DEPTOR: variants seen among roughly 807,000 people sequenced by gnomAD.
DEPTOR encodes the protein DEP domain containing MTOR interacting protein.
A neutral mutation model predicts 41.6 loss-of-function variants in DEPTOR; 41 were observed. The observed-to-expected ratio is 0.98, with a 90% CI of 0.77 to 1.28. The LOEUF (loss-of-function observed/expected upper bound fraction) is 1.28. DEPTOR is among the 50% of genes most tolerant of loss of function. The pLI is 0.00. For missense variants in DEPTOR, 514 were observed against 527.9 expected (o/e 0.97, Z 0.26); for synonymous variants, 195 against 192.3 (o/e 1.01, Z -0.12).
chr8:119,883,606 AGAG>A (rs1403388724), intron 1 of DEPTOR, among the ~76,000 whole-genome samples: 3 of 152,076 alleles, frequency 2.0e-5, no homozygotes, highest in African/African-American at 7.2e-5. Context: ...TGGCAGCTGC[AGAG>A]GAGGAGGTAG....
chr8:119,932,377 C>G (rs1828056143), intron 3 of DEPTOR, among the ~76,000 whole-genome samples: 1 of 151,934 alleles, frequency 6.6e-6, no homozygotes, highest in South Asian at 2.1e-4. Context: ...TGGCAGAGAA[C>G]TGTTATTGCT....
chr8:119,950,144 G>A (rs561132040), intron 3 of DEPTOR, among the ~76,000 whole-genome samples: 11 of 152,234 alleles, frequency 7.2e-5, no homozygotes, highest in African/African-American at 1.7e-4. Flanking sequence ...CCCTTTCCTC[G>A]TTATATGGCC....
chr8:120,002,791 A>AAAAAAAATATATATATATAT, intron 5 of DEPTOR, among the ~76,000 whole-genome samples, 186 bp from the exon 6 acceptor site: 2 of 60,672 alleles, frequency 3.3e-5, no homozygotes, highest in African/African-American at 1.5e-4. Flanking sequence ...AAAAAAAAAA[A>AAAAAAAATATATATATATAT]ATATATATAT....
intron 8 of DEPTOR, among the ~76,000 whole-genome samples, chr8:120,046,503 G>A (rs927063383): frequency 3.3e-5 from 5 of 151,720 alleles, no homozygotes; most frequent in African/African-American, 1.2e-4. Flanking sequence ...ATGTTTTCAG[G>A]GCTCACCCAT....
At chr8:120,038,796 A>G (rs1813017177) in intron 8 of DEPTOR, among the ~76,000 whole-genome samples, 1 of 152,116 alleles carries the variant, frequency 6.6e-6, no homozygotes, top group South Asian at 2.1e-4. Context: ...TGGTTTCACC[A>G]CTTACTAGCT....
intron 2 of DEPTOR, 86 bp from the exon 3 acceptor site, chr8:119,929,729 T>A (rs1178151072): frequency 2.0e-6 from 3 of 1,506,326 alleles, no homozygotes; most frequent in Admixed American, 2.0e-5. Flanking sequence ...GTGAAATAAT[T>A]CTTAATTAGC....
chr8:120,041,110 G>GA (rs1586670545), intron 8 of DEPTOR, among the ~76,000 whole-genome samples: 1 of 152,034 alleles, frequency 6.6e-6, no homozygotes, highest in Non-Finnish European at 1.5e-5. Context: ...AGATCAGAAA[G>GA]AAAAAAACAA....
At chr8:119,904,125 GT>G (rs112778213) in intron 1 of DEPTOR, among the ~76,000 whole-genome samples, 6 of 146,636 alleles carry the variant, frequency 4.1e-5, no homozygotes, top group East Asian at 2.0e-4. Flanking sequence ...TCTTTTTTTT[GT>G]TTTTTTTTTG....
rs1828339853 is a variant in DEPTOR at position 119,950,608 on chromosome 8, C to A, written c.426-14624C>A. Among the ~76,000 whole-genome samples the A allele has an allele frequency of 2.0e-5, 3 of 151,142 alleles. No homozygotes were observed. The South Asian group carries it at 6.3e-4, about 32-fold the overall frequency. On this transcript the variant is annotated intron_variant, in intron 3 of 8. Coordinates refer to ENST00000286234, the MANE Select transcript of DEPTOR (RefSeq NM_022783.4). ...TCTTTTCTTTTCTTCTTTTTCTTTTCTTTTTTGAGATGGAATCTCTCTCTG... is the reference window on the plus strand; with the variant it reads ...TCTTTTCTTTTCTTCTTTTTCTTTTATTTTTTGAGATGGAATCTCTCTCTG...
At chr8:119,983,586 G>A (rs1490443658) in intron 4 of DEPTOR, among the ~76,000 whole-genome samples, 2 of 152,120 alleles carry the variant, frequency 1.3e-5, no homozygotes, top group Non-Finnish European at 2.9e-5. Context: ...GTTTCACCAT[G>A]TTGGCCAGGC....
chr8:120,004,154 GA>G (rs1646390105), intron 6 of DEPTOR, among the ~76,000 whole-genome samples: 2 of 152,196 alleles, frequency 1.3e-5, no homozygotes, highest in South Asian at 4.1e-4. Context: ...ATGTTAGTAA[GA>G]ATAAGCACTA....
At position 120,001,621 on chromosome 8, in the gene DEPTOR, AG is replaced by A. The variant is rs1457297341; in HGVS notation, c.702del (p.Lys234AsnfsTer15). The A allele has an allele frequency of 1.2e-6, 2 of 1,613,910 alleles. No homozygotes were observed. Among genetic ancestry groups the A allele is most frequent in the Non-Finnish European group, 8.5e-7 (1 of 1,179,990 alleles). On this transcript the variant is annotated frameshift_variant, in exon 5 of 9. Coordinates refer to ENST00000286234, the MANE Select transcript of DEPTOR (RefSeq NM_022783.4). LOFTEE classifies it high-confidence loss of function. ...AGACTGATGGAGCTGCTCAATGAAA[AG>A]TCCCCCTCCTCCCAGGAAACTCATG... The part of the protein sequence containing the change: ...RRRLMELLNE[K>X]SPSSQETHDS...
At chr8:119,982,262 T>C (rs1241939815) in intron 4 of DEPTOR, among the ~76,000 whole-genome samples, 1 of 152,004 alleles carries the variant, frequency 6.6e-6, no homozygotes, top group Non-Finnish European at 1.5e-5. Flanking sequence ...AACTGAACAT[T>C]CCCCTGTTCT....
chr8:120,023,484 G>A (rs1292805338), intron 8 of DEPTOR, among the ~76,000 whole-genome samples: 1 of 152,070 alleles, frequency 6.6e-6, no homozygotes, highest in Admixed American at 6.5e-5. Flanking sequence ...GTCACATTGG[G>A]CATTAAGACT....
chr8:119,904,505 A>AT (rs1398037046), intron 1 of DEPTOR, among the ~76,000 whole-genome samples: 1 of 151,612 alleles, frequency 6.6e-6, no homozygotes, highest in East Asian at 2.0e-4. Flanking sequence ...ATATTTATTT[A>AT]TTTTTTTGAG....
intron 1 of DEPTOR, among the ~76,000 whole-genome samples, chr8:119,880,090 CGA>C (rs1563955181): frequency 6.7e-6 from 1 of 149,208 alleles, no homozygotes; most frequent in Non-Finnish European, 1.5e-5. Context: ...TGCAGTGAGC[CGA>C]GATTGCGCCA....
At chr8:120,000,550 C>T (rs1431763690) in intron 4 of DEPTOR, among the ~76,000 whole-genome samples, 1 of 151,958 alleles carries the variant, frequency 6.6e-6, no homozygotes, top group Non-Finnish European at 1.5e-5. Context: ...GCAATGTCTG[C>T]CTCCCGGGTT....
chr8:119,965,179 G>A, intron 3 of DEPTOR, 53 bp from the exon 4 acceptor site: 1 of 1,534,306 alleles, frequency 6.5e-7, no homozygotes, highest in Non-Finnish European at 8.8e-7. Flanking sequence ...TTTCAAATGA[G>A]CTGTTTTCCT....
intron 8 of DEPTOR, among the ~76,000 whole-genome samples, chr8:120,020,873 ATG>A (rs779822292): frequency 2.6e-5 from 4 of 151,952 alleles, no homozygotes; most frequent in African/African-American, 7.3e-5. Context: ...AGCCTGGCCA[ATG>A]TGGCGAAACG....
Sources: gnomAD v4.1 joint callset for allele counts (sites outside exome capture counted in the v4.1 genomes callset) on GRCh38, gnomAD v4.1.1 for gene constraint, MANE v1.5 for transcripts, NCBI Gene and HGNC (gene_info 2026-07-23, HGNC 2026-07-21) for gene names.